Variants in DGKI observed in about 807,000 individuals in gnomAD.
DGKI encodes diacylglycerol kinase iota.
Under a neutral mutation model 147.5 loss-of-function variants are expected in DGKI, and 55 were observed. That is an observed-to-expected ratio of 0.37 (90% CI 0.30 to 0.47). The LOEUF is 0.47. Among genes scored for constraint, DGKI ranks in the 20% least tolerant of loss-of-function variants. The pLI is 1.00. For synonymous variants in DGKI, 469 were observed against 477.1 expected (o/e 0.98, Z 0.22); for missense variants, 1,007 against 1,323.8 (o/e 0.76, Z 3.71).
chr7:137,625,333 G>A (rs187640007), intron 6 of DGKI, among the ~76,000 whole-genome samples: 2 of 152,138 alleles, frequency 1.3e-5, no homozygotes, highest in East Asian at 1.9e-4. Flanking sequence ...GGTGGCAGGC[G>A]CCTGTAATCC....
At chr7:137,571,367 C>T in intron 18 of DGKI, 81 bp from the exon 19 acceptor site, 2 of 945,648 alleles carry the variant, frequency 2.1e-6, no homozygotes, top group Non-Finnish European at 3.2e-6. Flanking sequence ...TGTAGTTAGA[C>T]CCAATGTTTA....
At chr7:137,565,548 TAC>T (rs1027204379) in intron 19 of DGKI, among the ~76,000 whole-genome samples, 12 of 152,182 alleles carry the variant, frequency 7.9e-5, no homozygotes, top group African/African-American at 2.4e-4. Flanking sequence ...TAAAGAAACT[TAC>T]ACAGTTTTAT....
In DGKI at chr7:137,559,823, G is replaced by T. The variant is rs537724658; in HGVS notation, c.1948-7255C>A. Among the ~76,000 whole-genome samples, 52 of 152,178 alleles carry T rather than the reference G, an allele frequency of 3.4e-4. 1 individual carries two copies. In the South Asian group the frequency reaches 0.011, roughly 31 times the overall value. The stretch of plus-strand genomic sequence containing the variant: ...AAAAAAATCATTTGTATGCTTTAAA[G>T]GTAGCTATATGGACAATCATTCCTC... On this transcript the variant is annotated intron_variant, in intron 19 of 32. Coordinates refer to ENST00000614521, the MANE Select transcript of DGKI (RefSeq NM_001321708.2).
At chr7:137,617,676 G>A (rs537020415) in intron 8 of DGKI, among the ~76,000 whole-genome samples, 187 of 152,142 alleles carry the variant, frequency 1.2e-3, no homozygotes, top group Admixed American at 3.5e-3. Context: ...GACCACCAGG[G>A]ATGCTCCTGG....
chr7:137,715,946 G>T (rs1344904286), intron 1 of DGKI, among the ~76,000 whole-genome samples: 1 of 152,158 alleles, frequency 6.6e-6, no homozygotes, highest in Non-Finnish European at 1.5e-5. Flanking sequence ...AAGCCCCAGG[G>T]CTGTGACGGT....
At chr7:137,424,923 G>GGCCT (rs926782764) in intron 28 of DGKI, among the ~76,000 whole-genome samples, 30 of 152,348 alleles carry the variant, frequency 2.0e-4, no homozygotes, top group Admixed American at 1.7e-3. Context: ...AGCTCAAGGA[G>GGCCT]GCCTGCCTGC....
intron 1 of DGKI, among the ~76,000 whole-genome samples, chr7:137,744,867 A>G (rs946709639): frequency 1.3e-5 from 2 of 152,218 alleles, no homozygotes; most frequent in East Asian, 3.9e-4. Flanking sequence ...AACCCTCAAC[A>G]AATTAGGTAT....
At chr7:137,797,119 C>T (rs2116946656) in intron 1 of DGKI, among the ~76,000 whole-genome samples, 1 of 152,256 alleles carries the variant, frequency 6.6e-6, no homozygotes, top group African/African-American at 2.4e-5. Flanking sequence ...TATCCTAAAA[C>T]ATGGAAGCCA....
intron 3 of DGKI, among the ~76,000 whole-genome samples, chr7:137,660,806 T>A (rs1365188436): frequency 4.8e-5 from 7 of 146,766 alleles, no homozygotes; most frequent in Admixed American, 4.2e-4. Context: ...ATGGGAAAGA[T>A]GATGAAAAAT....
At position 137,388,695 on chromosome 7, in the gene DGKI, G is replaced by T. The variant is rs961896162; in HGVS notation, c.*2525C>A. ...TTAATGTTGAAGCCATTAAACATGTGGTTATTCTGCTCACTTTATTTTGGA... is the reference window on the plus strand; with the variant it reads ...TTAATGTTGAAGCCATTAAACATGTTGTTATTCTGCTCACTTTATTTTGGA... On this transcript the variant is annotated 3_prime_UTR_variant, in exon 33 of 33. Coordinates refer to ENST00000614521, the MANE Select transcript of DGKI (RefSeq NM_001321708.2). 1 of 152,030 alleles carries T rather than the reference G, an allele frequency of 6.6e-6. No homozygotes were observed. Among genetic ancestry groups the T allele is most frequent in the Non-Finnish European group, 1.5e-5 (1 of 68,004 alleles). 9.4% of individuals were successfully genotyped at this position (152,030 alleles called of 1,614,324 possible).
At chr7:137,746,550 G>A (rs761887477) in intron 1 of DGKI, among the ~76,000 whole-genome samples, 1 of 149,626 alleles carries the variant, frequency 6.7e-6, no homozygotes, top group Non-Finnish European at 1.5e-5. Flanking sequence ...GTAATCCAGA[G>A]ATGTTGTTTG....
In DGKI at chr7:137,608,977, C is replaced by G; in HGVS notation, c.1156G>C (p.Gly386Arg). The G allele has an allele frequency of 1.2e-6, 2 of 1,612,542 alleles. No individual in the cohort carries two copies. Among genetic ancestry groups the G allele is most frequent in the Non-Finnish European group, 8.5e-7 (1 of 1,178,706 alleles). ...PLLVFVNPKSGGNQGTKVLQM... is the reference protein window; with the variant it reads ...PLLVFVNPKSRGNQGTKVLQM... ...GAAAAATTACTCACCTGGTTGCCTC[C>G]ACTCTTGGGATTCACAAATACAAGC... The change falls in exon 10 of 33, where the codon GGA (glycine) becomes CGA (arginine). Residue 386 changes from glycine (G) to arginine (R), a missense_variant. Transcript: ENST00000614521.
intron 6 of DGKI, among the ~76,000 whole-genome samples, chr7:137,644,489 C>T (rs1821760278): frequency 6.6e-6 from 1 of 152,194 alleles, no homozygotes; most frequent in African/African-American, 2.4e-5. Flanking sequence ...CCCTCCCTCA[C>T]CCTCCACAAC....
chr7:137,425,095 G>A (rs1812739039), intron 28 of DGKI, among the ~76,000 whole-genome samples: 2 of 152,144 alleles, frequency 1.3e-5, no homozygotes, highest in South Asian at 4.1e-4. Flanking sequence ...TCCTCAAATG[G>A]GTCCCTGACC....
At chr7:137,839,104 T>C (rs1445782908) in intron 1 of DGKI, among the ~76,000 whole-genome samples, 1 of 152,210 alleles carries the variant, frequency 6.6e-6, no homozygotes, top group Non-Finnish European at 1.5e-5. Context: ...TGCTCTCAGA[T>C]GACCAGCTGG....
intron 3 of DGKI, 23 bp downstream of exon 3, chr7:137,678,534 A>T (rs749557385): frequency 1.2e-6 from 2 of 1,612,028 alleles, no homozygotes; most frequent in Admixed American, 3.3e-5. Flanking sequence ...GCCTTCCCCC[A>T]GCAAGACGGA....
At chr7:137,684,307 G>C (rs190180386) in intron 2 of DGKI, among the ~76,000 whole-genome samples, 9 of 152,304 alleles carry the variant, frequency 5.9e-5, no homozygotes, top group Admixed American at 4.6e-4. Context: ...AGAAAAGAAT[G>C]TAAAACATCT....
At chr7:137,714,656 CTG>C (rs1433606334) in intron 1 of DGKI, among the ~76,000 whole-genome samples, 2 of 152,182 alleles carry the variant, frequency 1.3e-5, no homozygotes, top group African/African-American at 2.4e-5. Flanking sequence ...CAAAACCCTG[CTG>C]TGTTACCATT....
intron 12 of DGKI, among the ~76,000 whole-genome samples, chr7:137,588,380 C>G (rs1435803478): frequency 1.4e-5 from 2 of 147,906 alleles, no homozygotes. Context: ...ACTAAGCAAT[C>G]AAAATAAAGA....
Sources: gnomAD v4.1 joint callset for allele counts (sites outside exome capture counted in the v4.1 genomes callset) on GRCh38, gnomAD v4.1.1 for gene constraint, MANE v1.5 for transcripts, NCBI Gene and HGNC (gene_info 2026-07-23, HGNC 2026-07-21) for gene names.